Variants in RBBP8 observed in about 807,000 individuals in gnomAD.
The protein encoded by RBBP8 is DNA endonuclease RBBP8.
Under a neutral mutation model 108.3 loss-of-function variants are expected in RBBP8, and 88 were observed. That is an observed-to-expected ratio of 0.81 (90% CI 0.68 to 0.97). The LOEUF is 0.97. Among genes scored for constraint, RBBP8 ranks in the 50% least tolerant of loss-of-function variants. The probability of loss-of-function intolerance (pLI) is 0.00; values close to 1 mark genes in which losing one functional copy is unlikely to be tolerated. For missense variants in RBBP8, 1,023 were observed against 1,049.0 expected (o/e 0.98, Z 0.34); for synonymous variants, 332 against 348.2 (o/e 0.95, Z 0.52).
chr18:22,958,283 AT>A (rs1415726098), intron 4 of RBBP8, among the ~76,000 whole-genome samples: 1 of 152,208 alleles, frequency 6.6e-6, no homozygotes, highest in African/African-American at 2.4e-5. Context: ...CTAGGATTGC[AT>A]TTCTTTACGT....
intron 18 of RBBP8, chr18:23,024,562 A>G (rs1235075178): frequency 1.6e-4 from 24 of 152,236 alleles, no homozygotes; most frequent in Admixed American, 1.2e-3. Flanking sequence ...GTTACAGACT[A>G]AGTCTTACCT....
At chr18:22,937,109 C>T in intron 2 of RBBP8, 149 bp downstream of exon 2, 1 of 1,452,446 alleles carries the variant, frequency 6.9e-7, no homozygotes, top group Non-Finnish European at 9.2e-7. Flanking sequence ...GGATAGATTG[C>T]ATGTTGCTGG....
intron 14 of RBBP8, among the ~76,000 whole-genome samples, chr18:23,000,007 CAATA>C (rs1436238481): frequency 6.6e-6 from 1 of 152,016 alleles, no homozygotes; most frequent in African/African-American, 2.4e-5. Context: ...GTTTAATTAT[CAATA>C]AATATCAAGC....
chr18:22,945,544 C>T (rs931047790), intron 2 of RBBP8, among the ~76,000 whole-genome samples: 22 of 151,980 alleles, frequency 1.4e-4, no homozygotes, highest in Non-Finnish European at 5.9e-5. Flanking sequence ...CCACCACACC[C>T]GGCTAATTTT....
At chr18:22,944,150 T>A (rs1911345174) in intron 2 of RBBP8, among the ~76,000 whole-genome samples, 1 of 152,194 alleles carries the variant, frequency 6.6e-6, no homozygotes, top group Non-Finnish European at 1.5e-5. Context: ...AATTGTAGAT[T>A]CCTAATTGAC....
At chr18:22,919,503 C>A (rs1909497900) in intron 3 of RBBP8, among the ~76,000 whole-genome samples, 1 of 152,138 alleles carries the variant, frequency 6.6e-6, no homozygotes, top group Admixed American at 6.6e-5. Context: ...AGATGGTGTG[C>A]AGAAAGACAA....
chr18:23,017,011 A>G (rs2046267844), intron 17 of RBBP8, 87 bp downstream of exon 17: 3 of 1,009,758 alleles, frequency 3.0e-6, no homozygotes, highest in African/African-American at 1.6e-5. Context: ...TATACAAACC[A>G]TATTGGTTAT....
intron 16 of RBBP8, among the ~76,000 whole-genome samples, chr18:23,013,012 G>A (rs1374100860): frequency 6.6e-6 from 1 of 151,928 alleles, no homozygotes; most frequent in East Asian, 1.9e-4. Flanking sequence ...AACAAAGCCT[G>A]GATGACAGCA....
chr18:23,003,124 C>T (rs1013873799), intron 15 of RBBP8, among the ~76,000 whole-genome samples: 2 of 152,174 alleles, frequency 1.3e-5, no homozygotes, highest in African/African-American at 4.8e-5. Flanking sequence ...AAGACTCTTT[C>T]TTCCTCACAA....
chr18:23,002,681 T>C (rs934065267), intron 15 of RBBP8, among the ~76,000 whole-genome samples: 2 of 152,198 alleles, frequency 1.3e-5, no homozygotes, highest in African/African-American at 4.8e-5. Flanking sequence ...TCCGAATTTT[T>C]AATCTAGTGC....
At chr18:23,020,791 A>G (rs745310479) in intron 17 of RBBP8, among the ~76,000 whole-genome samples, 8 of 151,998 alleles carry the variant, frequency 5.3e-5, no homozygotes, top group East Asian at 1.9e-4. Flanking sequence ...CTCACCGACT[A>G]CTGTTTCTCA....
chr18:22,990,052 A>G (rs1481250164), intron 9 of RBBP8, among the ~76,000 whole-genome samples: 3 of 152,130 alleles, frequency 2.0e-5, no homozygotes, highest in Non-Finnish European at 2.9e-5. Context: ...TGTCCTTTCT[A>G]GTTTTAAATT....
At chr18:22,919,586 T>C (rs558475805) in intron 3 of RBBP8, among the ~76,000 whole-genome samples, 1 of 152,226 alleles carries the variant, frequency 6.6e-6, no homozygotes, top group African/African-American at 2.4e-5. Flanking sequence ...AGAGAGAGTC[T>C]CGCTCTGTCA....
chr18:22,917,300 A>T (rs1909399486), intron 3 of RBBP8, among the ~76,000 whole-genome samples: 1 of 152,254 alleles, frequency 6.6e-6, no homozygotes, highest in Non-Finnish European at 1.5e-5. Context: ...GAGAAAAGGC[A>T]GTATACTGAA....
intron 3 of RBBP8, among the ~76,000 whole-genome samples, chr18:22,921,259 A>C (rs1332552794): frequency 6.6e-6 from 1 of 152,178 alleles, no homozygotes. Context: ...CACCACTATG[A>C]GCAAACAGAG....
chr18:23,001,483 G>A (rs2045945878), intron 14 of RBBP8, 103 bp from the exon 15 acceptor site: 1 of 1,306,594 alleles, frequency 7.7e-7, no homozygotes, highest in African/African-American at 1.5e-5. Context: ...GTGTCTTTAA[G>A]GACTGCATTC....
At chr18:22,978,978 TA>T (rs1252414447) in intron 6 of RBBP8, among the ~76,000 whole-genome samples, 1 of 152,160 alleles carries the variant, frequency 6.6e-6, no homozygotes, top group Non-Finnish European at 1.5e-5. Flanking sequence ...CAATTAAAAA[TA>T]AAATTTGGCT....
chr18:22,962,774 TA>T (rs923050636), intron 4 of RBBP8, among the ~76,000 whole-genome samples: 2 of 150,950 alleles, frequency 1.3e-5, no homozygotes, highest in Non-Finnish European at 3.0e-5. Context: ...ATTTTTCTGA[TA>T]TTTTTCGTAC....
intron 3 of RBBP8, among the ~76,000 whole-genome samples, chr18:22,947,942 C>A (rs1911707017): frequency 6.6e-6 from 1 of 151,996 alleles, no homozygotes; most frequent in Non-Finnish European, 1.5e-5. Flanking sequence ...CTGCGTTATT[C>A]TAAATAGAAC....
Sources: allele counts gnomAD v4.1 joint callset (sites outside exome capture counted in the v4.1 genomes callset), GRCh38; gene constraint gnomAD v4.1.1; transcripts MANE v1.5; gene names NCBI Gene and HGNC (gene_info 2026-07-23, HGNC 2026-07-21).